The following SLC35G3 variants were observed in gnomAD, a reference collection of about 807,000 sequenced individuals.
The protein encoded by SLC35G3 is acyl-malonyl-condensing enzyme 1.
In SLC35G3, 10 loss-of-function variants were observed where a neutral mutation model predicts 17.9. The observed-to-expected ratio is 0.56, with a 90% CI of 0.34 to 0.95. SLC35G3 has a LOEUF of 0.95. Ranked by LOEUF, SLC35G3 falls within the 40% of genes least tolerant of loss-of-function variation. The pLI is 0.02. For synonymous variants in SLC35G3, 208 were observed against 197.7 expected, an observed-to-expected ratio of 1.05 and a Z score of -0.44; for missense variants, 384 against 433.6, an observed-to-expected ratio of 0.89 and a Z score of 1.02.
In SLC35G3 at chr17:35,193,581, C is replaced by T. The variant is rs1186802484; in HGVS notation, c.727G>A (p.Ala243Thr). The part of the protein sequence containing the change: ...GSVPGLFVLQ[A>T]PVLPSDLLSW... ...AGGAGGTCACTGGGCAACACGGGGG[C>T]CTGCAGCACAAAGAGGCCTGGCACA... The change falls in exon 1 of 1, where the codon GCC becomes ACC. Residue 243 changes from alanine (A) to threonine (T), a missense_variant. Coordinates refer to ENST00000297307, the MANE Select transcript of SLC35G3 (RefSeq NM_152462.2). 6.2e-7 allele frequency: 1 copy of T among 1,612,020 alleles called. No homozygotes were observed. Among genetic ancestry groups the T allele is most frequent in the Non-Finnish European group, 8.5e-7 (1 of 1,179,864 alleles).
At position 35,193,167 on chromosome 17, in the gene SLC35G3, A is replaced by G; in HGVS notation, c.*124T>C. On this transcript the variant is annotated 3_prime_UTR_variant, in exon 1 of 1. Coordinates refer to ENST00000297307, the MANE Select transcript of SLC35G3 (RefSeq NM_152462.2). The stretch of plus-strand genomic sequence containing the variant: ...CCACCAAGTCCCCAAGTCACCCTTG[A>G]CTCTGAGAGGTATCCCTCTCCCACA... 2 of 1,519,580 alleles carry G rather than the reference A, an allele frequency of 1.3e-6. No homozygotes were observed. The highest frequency in any genetic ancestry group is 1.8e-6 in the Non-Finnish European group (2 of 1,124,146). 94.1% of individuals were successfully genotyped at this position (1,519,580 alleles called of 1,614,324 possible). A position where few individuals can be genotyped will look rare whatever the true frequency, so the allele number is the denominator to read the frequency against.
chr17:35,193,004 C>A lies in SLC35G3; in HGVS notation c.*287G>T. On this transcript the variant is annotated 3_prime_UTR_variant, in exon 1 of 1. Coordinates refer to ENST00000297307, the MANE Select transcript of SLC35G3 (RefSeq NM_152462.2). ...CTGCTGAGTGAAGTCCTCCCCATGGCCCACGGCCTCCCTGCCTCAGCCCTT... is the reference window on the plus strand; with the variant it reads ...CTGCTGAGTGAAGTCCTCCCCATGGACCACGGCCTCCCTGCCTCAGCCCTT... 1.8e-6 allele frequency: 1 copy of A among 549,920 alleles called. No homozygotes were observed. The highest frequency in any genetic ancestry group is 3.2e-6 in the Non-Finnish European group (1 of 310,902). 34.1% of individuals were successfully genotyped at this position (549,920 alleles called of 1,614,324 possible).
At position 35,193,663 on chromosome 17, in the gene SLC35G3, A is replaced by G. The variant is rs1292565199; in HGVS notation, c.645T>C (p.Phe215=). 2 of 1,611,968 alleles carry G rather than the reference A, an allele frequency of 1.2e-6. No individual in the cohort carries two copies. Among genetic ancestry groups the G allele is most frequent in the Admixed American group, 1.7e-5 (1 of 60,022 alleles). The change falls in exon 1 of 1, where the codon TTT becomes TTC. Residue 215 remains phenylalanine, a synonymous_variant. Transcript: ENST00000297307. The stretch of plus-strand genomic sequence containing the variant: ...AGGCCACTGTTGGGAGGCAGGGGGG[A>G]AAGTGCAGAGAACGATAGACCAGAA... The part of the protein sequence containing the change: ...LRLLVYRSLH[F]PPCLPTVAFL...
At position 35,193,929 on chromosome 17, in the gene SLC35G3, C is replaced by G; in HGVS notation, c.379G>C (p.Ala127Pro). The change falls in exon 1 of 1, where the codon GCT becomes CCT. Residue 127 changes from alanine to proline, a missense_variant. Ala to Pro is a conservative substitution (Grantham distance 27). Transcript: ENST00000297307. ...TTGCGAACAGTGGCAGCGTTGCCAG[C>G]GGGCACCACCTGAACCGCACTGTAG... ...CAYSAVQVVP[A>P]GNAATVRKGS... 1 of 1,613,970 alleles carries G rather than the reference C, an allele frequency of 6.2e-7. No homozygotes were observed. Among genetic ancestry groups the G allele is most frequent in the Non-Finnish European group, 8.5e-7 (1 of 1,179,864 alleles).
In SLC35G3 at chr17:35,194,125, A is replaced by G. The variant is rs1302750959; in HGVS notation, c.183T>C (p.Ala61=). ...AGFVGPLSRM[A]YQASNLPSLE... ...GCGAGGGCAGGTTGGAAGCCTGGTA[A>G]GCCATACGAGAAAGGGGGCCCACGA... Residue 61 remains alanine, a synonymous_variant, in exon 1 of 1, where the codon GCT becomes GCC. Coordinates refer to ENST00000297307, the MANE Select transcript of SLC35G3 (RefSeq NM_152462.2). 1.5e-5 allele frequency: 24 copies of G among 1,613,786 alleles called. No homozygotes were observed. The highest frequency in any genetic ancestry group is 2.0e-5 in the Non-Finnish European group (24 of 1,179,856).
rs907170383 is a variant in SLC35G3 at position 35,192,946 on chromosome 17, C to G, written c.*345G>C. 2 of 385,924 alleles carry G rather than the reference C, an allele frequency of 5.2e-6. No homozygotes were observed. The highest frequency in any genetic ancestry group is 4.1e-5 in the African/African-American group (2 of 49,084). 23.9% of individuals were successfully genotyped at this position (385,924 alleles called of 1,614,324 possible). The stretch of plus-strand genomic sequence containing the variant: ...GCGCAGCTGCTGGCTCTGTCTTTGC[C>G]GGAACACTCCAGCCCCAATGCTCTT... On this transcript the variant is annotated 3_prime_UTR_variant, in exon 1 of 1. Transcript: ENST00000297307.
At position 35,194,235 on chromosome 17, in the gene SLC35G3, G is replaced by A. The variant is rs772914400; in HGVS notation, c.73C>T (p.Leu25Phe). The change falls in exon 1 of 1, where the codon CTC becomes TTC. Residue 25 changes from leucine (L) to phenylalanine (F), a missense_variant. Leu to Phe is a conservative substitution (Grantham distance 22). Coordinates refer to ENST00000297307, the MANE Select transcript of SLC35G3 (RefSeq NM_152462.2). Reference protein sequence around the residue: ...HPSPPSAPPSLRWYQRCQPSD... With the variant: ...HPSPPSAPPSFRWYQRCQPSD... ...GGCTGGCAGCGCTGGTACCAGCGGA[G>A]GCTGGGTGGAGCGGAGGGCGGCGAT... The A allele has an allele frequency of 7.4e-6, 12 of 1,613,880 alleles. No individual in the cohort carries two copies. The South Asian group carries it at 1.3e-4, about 18-fold the overall frequency.
In SLC35G3 at chr17:35,193,754, G is replaced by A. The variant is rs773344123; in HGVS notation, c.554C>T (p.Thr185Met). Residue 185 changes from threonine to methionine, a missense_variant, in exon 1 of 1, where the codon ACG (threonine) becomes ATG (methionine). Coordinates refer to ENST00000297307, the MANE Select transcript of SLC35G3 (RefSeq NM_152462.2). ...ATAGCCCAGGGCGGTGTAGACACCC[G>A]TGGTCCCCTCCTGTAGTGTCCAGAG... is the stretch of plus-strand genomic sequence containing the variant. ...PGLWTLQEGTTGVYTALGYVE... is the reference protein window; with the variant it reads ...PGLWTLQEGTMGVYTALGYVE... 28 of 1,612,296 alleles carry A rather than the reference G, an allele frequency of 1.7e-5. No individual in the cohort carries two copies. The highest frequency in any genetic ancestry group is 1.5e-4 in the Admixed American group (9 of 59,990).
In SLC35G3 at chr17:35,194,255, G is replaced by A. The variant is rs558523460; in HGVS notation, c.53C>T (p.Pro18Leu). Residue 18 changes from proline to leucine, a missense_variant, in exon 1 of 1, where the codon CCG (proline) becomes CTG (leucine). Pro to Leu is a moderately conservative substitution (Grantham distance 98). Coordinates refer to ENST00000297307, the MANE Select transcript of SLC35G3 (RefSeq NM_152462.2). ...GCGGAGGCTGGGTGGAGCGGAGGGC[G>A]GCGATGGGTGTGTGGAGTCAGGCTG... ...FNQPDSTHPS[P>L]PSAPPSLRWY... 38 of 1,613,454 alleles carry A rather than the reference G, an allele frequency of 2.4e-5. No homozygotes were observed. The African/African-American group carries it at 3.9e-4, about 16-fold the overall frequency.
rs2092332998 is a variant in SLC35G3 at position 35,193,153 on chromosome 17, C to G, written c.*138G>C. 6.7e-7 allele frequency: 1 copy of G among 1,490,850 alleles called. No individual in the cohort carries two copies. The highest frequency in any genetic ancestry group is 1.4e-5 in the African/African-American group (1 of 71,940). The allele number at this position is 1,490,850 out of a possible 1,614,324, so 92.4% of individuals were successfully genotyped here. ...CACGTAGTCCCTCTCCACCAAGTCC[C>G]CAAGTCACCCTTGACTCTGAGAGGT... On this transcript the variant is annotated 3_prime_UTR_variant, in exon 1 of 1. Coordinates refer to ENST00000297307, the MANE Select transcript of SLC35G3 (RefSeq NM_152462.2).
At position 35,193,624 on chromosome 17, in the gene SLC35G3, C is replaced by G. The variant is rs147473829; in HGVS notation, c.684G>C (p.Leu228Phe). The change falls in exon 1 of 1, where the codon TTG (leucine) becomes TTC (phenylalanine). Residue 228 changes from leucine to phenylalanine, a missense_variant. Physicochemically the swap from Leu to Phe is conservative, Grantham distance 22. Coordinates refer to ENST00000297307, the MANE Select transcript of SLC35G3 (RefSeq NM_152462.2). The stretch of plus-strand genomic sequence containing the variant: ...CTGGCACAGAGCCCAGCAGCCCCAC[C>G]AAGCCAGATAGGAAGGCCACTGTTG... Reference protein sequence around the residue: ...CLPTVAFLSGLVGLLGSVPGL... With the variant: ...CLPTVAFLSGFVGLLGSVPGL... 16 of 1,611,926 alleles carry G rather than the reference C, an allele frequency of 9.9e-6. No individual in the cohort carries two copies. The African/African-American group carries it at 1.5e-4, about 15-fold the overall frequency.
In SLC35G3 at chr17:35,193,694, A is replaced by T; in HGVS notation, c.614T>A (p.Leu205Gln). The T allele has an allele frequency of 6.2e-7, 1 of 1,612,048 alleles. No individual in the cohort carries two copies. The highest frequency in any genetic ancestry group is 8.5e-7 in the Non-Finnish European group (1 of 1,179,858). The change falls in exon 1 of 1, where the codon CTG (leucine) becomes CAG (glutamine). Residue 205 changes from leucine to glutamine, a missense_variant. By Grantham distance (113) the Leu-to-Gln change is moderately radical. Transcript: ENST00000297307. ...CAGAGAACGATAGACCAGAAGCCTC[A>T]GGGACAGCGCCAGGCCTCCCAGGAA... is the stretch of plus-strand genomic sequence containing the variant. ...EAFLGGLALSLRLLVYRSLHF... is the reference protein window; with the variant it reads ...EAFLGGLALSQRLLVYRSLHF...
chr17:35,193,882 G>A lies in SLC35G3; in HGVS notation c.426C>T (p.Ser142=), dbSNP rs144685346. 399 of 1,613,984 alleles carry A rather than the reference G, an allele frequency of 2.5e-4. No homozygotes were observed. The highest frequency in any genetic ancestry group is 3.1e-4 in the Non-Finnish European group (361 of 1,179,868). ...TCTCAAGGCAGAGAGTGAGGACGGC[G>A]GAGCAGACGGTGGAAGAACCTTTGC... ...TVRKGSSTVC[S]AVLTLCLESQ... The change falls in exon 1 of 1, where the codon TCC becomes TCT. Residue 142 remains serine (S), a synonymous_variant. Transcript: ENST00000297307.
At position 35,193,784 on chromosome 17, in the gene SLC35G3, G is replaced by A. The variant is rs540149479; in HGVS notation, c.524C>T (p.Pro175Leu). 1.9e-6 allele frequency: 3 copies of A among 1,613,160 alleles called. No individual in the cohort carries two copies. Among genetic ancestry groups the A allele is most frequent in the Admixed American group, 1.7e-5 (1 of 60,000 alleles). Residue 175 changes from proline to leucine, a missense_variant, in exon 1 of 1, where the codon CCT becomes CTT. Physicochemically the swap from Pro to Leu is moderately conservative, Grantham distance 98. Transcript: ENST00000297307. ...CCCCTCCTGTAGTGTCCAGAGTCCA[G>A]GTCCCACAATGATGATTAGTCCTAG... is the stretch of plus-strand genomic sequence containing the variant. ...CILGLIIIVG[P>L]GLWTLQEGTT...
chr17:35,193,029 T>G lies in SLC35G3; in HGVS notation c.*262A>C. On this transcript the variant is annotated 3_prime_UTR_variant, in exon 1 of 1. Coordinates refer to ENST00000297307, the MANE Select transcript of SLC35G3 (RefSeq NM_152462.2). ...CCCACGGCCTCCCTGCCTCAGCCCT[T>G]TGGATCTGCTCCTCAGACTTTACCC... is the stretch of plus-strand genomic sequence containing the variant. 3.2e-6 allele frequency: 2 copies of G among 619,524 alleles called. No homozygotes were observed. The highest frequency in any genetic ancestry group is 5.5e-6 in the Non-Finnish European group (2 of 366,680). 38.4% of individuals were successfully genotyped at this position (619,524 alleles called of 1,614,324 possible).
At position 35,193,008 on chromosome 17, in the gene SLC35G3, C is replaced by G. The variant is rs1437777970; in HGVS notation, c.*283G>C. On this transcript the variant is annotated 3_prime_UTR_variant, in exon 1 of 1. Transcript: ENST00000297307. Reference sequence around the variant, plus strand: ...TGAGTGAAGTCCTCCCCATGGCCCACGGCCTCCCTGCCTCAGCCCTTTGGA... The same window carrying G: ...TGAGTGAAGTCCTCCCCATGGCCCAGGGCCTCCCTGCCTCAGCCCTTTGGA... 1 of 558,820 alleles carries G rather than the reference C, an allele frequency of 1.8e-6. No individual in the cohort carries two copies. Among genetic ancestry groups the G allele is most frequent in the Non-Finnish European group, 3.1e-6 (1 of 317,914 alleles). The allele number at this position is 558,820 out of a possible 1,614,324, so 34.6% of individuals were successfully genotyped here. A position where few individuals can be genotyped will look rare whatever the true frequency, so the allele number is the denominator to read the frequency against.
chr17:35,193,204 C>T lies in SLC35G3; in HGVS notation c.*87G>A. On this transcript the variant is annotated 3_prime_UTR_variant, in exon 1 of 1. Coordinates refer to ENST00000297307, the MANE Select transcript of SLC35G3 (RefSeq NM_152462.2). ...ATCCCTCTCCCACACCAGTTCTTTT[C>T]CAGTCACTTCTCCTCCCATGTTTGT... 6.3e-7 allele frequency: 1 copy of T among 1,584,436 alleles called. No individual in the cohort carries two copies. Among genetic ancestry groups the T allele is most frequent in the South Asian group, 1.1e-5 (1 of 87,914 alleles).
chr17:35,193,677 G>T lies in SLC35G3; in HGVS notation c.631C>A (p.Arg211Ser). The T allele has an allele frequency of 6.2e-7, 1 of 1,612,028 alleles. No homozygotes were observed. Among genetic ancestry groups the T allele is most frequent in the Non-Finnish European group, 8.5e-7 (1 of 1,179,850 alleles). The change falls in exon 1 of 1, where the codon CGT becomes AGT. Residue 211 changes from arginine to serine, a missense_variant. By Grantham distance (110) the Arg-to-Ser change is moderately radical. Transcript: ENST00000297307. ...LALSLRLLVY[R>S]SLHFPPCLPT... The stretch of plus-strand genomic sequence containing the variant: ...AGGCAGGGGGGAAAGTGCAGAGAAC[G>T]ATAGACCAGAAGCCTCAGGGACAGC...
Position 35,193,831 on chromosome 17 carries a change from C to T in SLC35G3, c.477G>A (p.Trp159Ter). 6.2e-7 allele frequency: 1 copy of T among 1,614,002 alleles called. No homozygotes were observed. The highest frequency in any genetic ancestry group is 8.5e-7 in the Non-Finnish European group (1 of 1,179,874). The change falls in exon 1 of 1, where the codon TGG becomes TGA. Residue 159 changes from tryptophan to a stop codon, truncating the protein, a stop_gained. Transcript: ENST00000297307. LOFTEE classifies it high-confidence loss of function. ...LESQGLSGYD[W>*]CGLLGCILGL... ...CTAGGATGCAGCCCAACAGTCCACA[C>T]CAGTCGTAGCCACTGAGACCCTGGC...
Sources: gnomAD v4.1 joint callset for allele counts on GRCh38, gnomAD v4.1.1 for gene constraint, MANE v1.5 for transcripts, NCBI Gene and HGNC (gene_info 2026-07-23, HGNC 2026-07-21) for gene names.